DMAC2L: variants seen among roughly 807,000 people sequenced by gnomAD.
The protein encoded by DMAC2L is ATP synthase subunit s, mitochondrial.
A neutral mutation model predicts 22.5 loss-of-function variants in DMAC2L; 21 were observed. The observed-to-expected ratio is 0.93, with a 90% CI of 0.66 to 1.34. The LOEUF (loss-of-function observed/expected upper bound fraction) is 1.34, where lower values mean the gene tolerates loss of function less well. DMAC2L is among the 40% of genes most tolerant of loss of function. DMAC2L has a pLI of 0.00. For missense variants in DMAC2L, 239 were observed against 246.5 expected, an observed-to-expected ratio of 0.97 and a Z score of 0.20; for synonymous variants, 86 against 89.5, an observed-to-expected ratio of 0.96 and a Z score of 0.22.
intron 2 of DMAC2L, among the ~76,000 whole-genome samples, chr14:50,320,532 C>T (rs1366902423): frequency 1.3e-5 from 2 of 152,198 alleles, no homozygotes; most frequent in African/African-American, 4.8e-5. Context: ...AAATAACATG[C>T]CTTAAATGTT....
At position 50,321,282 on chromosome 14, in the gene DMAC2L, A is replaced by G. The variant is rs1281540222; in HGVS notation, c.-5-201A>G. 16 of 998,748 alleles carry G rather than the reference A, an allele frequency of 1.6e-5. No homozygotes were observed. In the East Asian group the frequency reaches 5.0e-4, roughly 31 times the overall value. The allele number at this position is 998,748 out of a possible 1,614,324, so 61.9% of individuals were successfully genotyped here. On this transcript the variant is annotated intron_variant, in intron 2 of 5. Coordinates refer to ENST00000557421, the MANE Select transcript of DMAC2L (RefSeq NM_001382507.1). The stretch of plus-strand genomic sequence containing the variant: ...CTAGCCGGAAGGAGCCTTAGACACC[A>G]TCCAGTCCAACCCCTCATTTTTTTG...
intron 1 of DMAC2L, among the ~76,000 whole-genome samples, 184 bp from the exon 2 acceptor site, chr14:50,314,405 CCT>C (rs2031577984): frequency 6.6e-6 from 1 of 152,178 alleles, no homozygotes; most frequent in South Asian, 2.1e-4. Context: ...GTCCATTAAA[CCT>C]CTTTTTCTTC....
upstream of DMAC2L, chr14:50,311,531 G>T: frequency 4.4e-6 from 2 of 451,924 alleles, no homozygotes; most frequent in Non-Finnish European, 8.9e-6. Flanking sequence ...CATAAGAGCT[G>T]CCTCCGACGG....
Position 50,321,539 on chromosome 14 carries a change from C to A in DMAC2L, c.52C>A (p.Pro18Thr). Residue 18 changes from proline (P) to threonine (T), a missense_variant, in exon 3 of 6, where the codon CCA (proline) becomes ACA (threonine). By Grantham distance (38) the Pro-to-Thr change is conservative. Transcript: ENST00000557421. Reference sequence around the variant, plus strand: ...GCAGTTGTGTGGCGTAAAGAAACTCCCATGGTCATGTGACTCCAGATACTT... The same window carrying A: ...GCAGTTGTGTGGCGTAAAGAAACTCACATGGTCATGTGACTCCAGATACTT... ...SQQLCGVKKL[P>T]WSCDSRYFWG... 1 of 1,614,062 alleles carries A rather than the reference C, an allele frequency of 6.2e-7. No individual in the cohort carries two copies. Among genetic ancestry groups the A allele is most frequent in the Non-Finnish European group, 8.5e-7 (1 of 1,179,968 alleles).
chr14:50,319,228 G>A (rs2032064641), intron 2 of DMAC2L: 3 of 1,535,842 alleles, frequency 2.0e-6, no homozygotes, highest in South Asian at 1.2e-5. Context: ...GGAAAGGGTT[G>A]AGAACATGAT....
intron 2 of DMAC2L, chr14:50,318,926 C>G (rs1176824133): frequency 1.6e-6 from 1 of 636,760 alleles, no homozygotes; most frequent in Non-Finnish European, 2.0e-6. Flanking sequence ...TTCTGTGTGT[C>G]TCTTTCTCCT....
Position 50,321,553 on chromosome 14 carries a change from C to T in DMAC2L, c.66C>T (p.Asp22=). Residue 22 remains aspartate (D), a synonymous_variant, in exon 3 of 6, where the codon GAC becomes GAT. Coordinates refer to ENST00000557421, the MANE Select transcript of DMAC2L (RefSeq NM_001382507.1). ...CGVKKLPWSC[D]SRYFWGWLNA... is the part of the protein sequence containing the mutation. Reference sequence around the variant, plus strand: ...TAAAGAAACTCCCATGGTCATGTGACTCCAGATACTTCTGGGGCTGGTTGA... The same window carrying T: ...TAAAGAAACTCCCATGGTCATGTGATTCCAGATACTTCTGGGGCTGGTTGA... 1 of 1,614,110 alleles carries T rather than the reference C, an allele frequency of 6.2e-7. No homozygotes were observed. The highest frequency in any genetic ancestry group is 8.5e-7 in the Non-Finnish European group (1 of 1,179,960).
intron 1 of DMAC2L, chr14:50,312,827 C>T (rs2031371023): frequency 6.7e-6 from 4 of 599,700 alleles, no homozygotes; most frequent in Non-Finnish European, 1.2e-5. Context: ...TGACAGCCCG[C>T]AGTCTTCTGG....
intron 2 of DMAC2L, among the ~76,000 whole-genome samples, chr14:50,314,839 G>A (rs1053306698): frequency 1.5e-4 from 22 of 151,602 alleles, no homozygotes; most frequent in African/African-American, 4.4e-4. Flanking sequence ...ATGCGGTTTC[G>A]CCATGTTGAC....
chr14:50,312,713 C>T (rs2031356117), intron 1 of DMAC2L: 3 of 387,860 alleles, frequency 7.7e-6, no homozygotes, highest in Non-Finnish European at 9.2e-6. Flanking sequence ...GGGCACCCAC[C>T]GTCTCCATCC....
In DMAC2L at chr14:50,312,378, C is replaced by G. The variant is rs971213377; in HGVS notation, c.-53C>G. ...ACGCTGGCTCGCTCCCTCCCTCCCT[C>G]CCTCCGACGCTGTGAGTAGAGAAGC... On this transcript the variant is annotated 5_prime_UTR_variant, in exon 1 of 6. Transcript: ENST00000557421. The G allele has an allele frequency of 1.2e-5, 7 of 603,112 alleles. No homozygotes were observed. Among genetic ancestry groups the G allele is most frequent in the East Asian group, 1.1e-4 (4 of 34,840 alleles). The allele number at this position is 603,112 out of a possible 1,614,324, so 37.4% of individuals were successfully genotyped here. A position where few individuals can be genotyped will look rare whatever the true frequency, so the allele number is the denominator to read the frequency against.
At chr14:50,312,238 T>C, upstream of DMAC2L, 1 of 1,531,802 alleles carries the variant, frequency 6.5e-7, no homozygotes, top group Non-Finnish European at 8.8e-7. Flanking sequence ...GCCCCGCCCC[T>C]CACGCGGGGG....
chr14:50,323,842 C>T, intron 4 of DMAC2L, 103 bp from the exon 5 acceptor site: 1 of 916,526 alleles, frequency 1.1e-6, no homozygotes, highest in Non-Finnish European at 1.7e-6. Flanking sequence ...TTTCCCAGGA[C>T]ATAGGACTTT....
At position 50,322,556 on chromosome 14, in the gene DMAC2L, A is replaced by G. The variant is rs1460344499; in HGVS notation, c.153A>G (p.Ala51=). 5 of 1,613,808 alleles carry G rather than the reference A, an allele frequency of 3.1e-6. No homozygotes were observed. Among genetic ancestry groups the G allele is most frequent in the Non-Finnish European group, 4.2e-6 (5 of 1,179,778 alleles). The change falls in exon 4 of 6, where the codon GCA becomes GCG. Residue 51 remains alanine, a synonymous_variant. Transcript: ENST00000557421. ...GGGATGTTGGCCCTGACAGGGCGGC[A>G]TCCGAGTGGTTGCTGCGCTGTGGGG... ...RIRDVGPDRA[A]SEWLLRCGAM... is the part of the protein sequence containing the mutation.
chr14:50,318,723 GA>G (rs1216371818), intron 2 of DMAC2L, among the ~76,000 whole-genome samples: 1 of 151,670 alleles, frequency 6.6e-6, no homozygotes, highest in Admixed American at 6.6e-5. Flanking sequence ...TAGACTAACT[GA>G]AAACTCTTAA....
At chr14:50,316,661 C>T (rs1280195850) in intron 2 of DMAC2L, among the ~76,000 whole-genome samples, 1 of 152,156 alleles carries the variant, frequency 6.6e-6, no homozygotes, top group African/African-American at 2.4e-5. Context: ...GTCCTTTCCC[C>T]ACTTTATATG....
At chr14:50,318,446 T>C (rs1184587215) in intron 2 of DMAC2L, among the ~76,000 whole-genome samples, 9 of 152,242 alleles carry the variant, frequency 5.9e-5, no homozygotes, top group Admixed American at 5.9e-4. Flanking sequence ...AGCTAAATTA[T>C]AAGATGGGCC....
chr14:50,318,964 T>A (rs2032043718), intron 2 of DMAC2L: 1 of 943,718 alleles, frequency 1.1e-6, no homozygotes, highest in African/African-American at 1.8e-5. Context: ...TGTTTTGTCT[T>A]ACCATTGTTG....
In DMAC2L at chr14:50,325,556, T is replaced by G. The variant is rs1006117015; in HGVS notation, c.489-53T>G. 4 of 1,525,272 alleles carry G rather than the reference T, an allele frequency of 2.6e-6. No individual in the cohort carries two copies. In the African/African-American group the frequency reaches 5.6e-5, roughly 21 times the overall value. 94.5% of individuals were successfully genotyped at this position (1,525,272 alleles called of 1,614,324 possible). Reference sequence around the variant, plus strand: ...TCTTTCTTTAAGTCAGTAAATTGAATTTATTTTTAATGCTCTTGGCCAAAT... The same window carrying G: ...TCTTTCTTTAAGTCAGTAAATTGAAGTTATTTTTAATGCTCTTGGCCAAAT... On this transcript the variant is annotated intron_variant, in intron 5 of 5. Coordinates refer to ENST00000557421, the MANE Select transcript of DMAC2L (RefSeq NM_001382507.1).
Sources: allele counts gnomAD v4.1 joint callset (sites outside exome capture counted in the v4.1 genomes callset), GRCh38; gene constraint gnomAD v4.1.1; transcripts MANE v1.5; gene names NCBI Gene and HGNC (gene_info 2026-07-23, HGNC 2026-07-21).